TRDN: variants seen among roughly 807,000 people sequenced by gnomAD.
TRDN encodes triadin.
A neutral mutation model predicts 149.7 loss-of-function variants in TRDN; 161 were observed. That is an observed-to-expected ratio of 1.08 (90% CI 0.95 to 1.23). The LOEUF (loss-of-function observed/expected upper bound fraction) is 1.23. TRDN is among the 50% of genes most tolerant of loss of function. TRDN has a pLI of 0.00. For missense variants in TRDN, 896 were observed against 823.5 expected, an observed-to-expected ratio of 1.09 and a Z score of -1.08; for synonymous variants, 294 against 250.5, an observed-to-expected ratio of 1.17 and a Z score of -1.64.
At chr6:123,352,334 T>C (rs1342653110) in intron 21 of TRDN, 1 of 985,026 alleles carries the variant, frequency 1.0e-6, no homozygotes, top group Non-Finnish European at 1.2e-6. Context: ...TCGGAACTGA[T>C]ATTCAAAGTT....
At chr6:123,292,336 A>G (rs574490060) in intron 24 of TRDN, among the ~76,000 whole-genome samples, 1 of 152,196 alleles carries the variant, frequency 6.6e-6, no homozygotes, top group African/African-American at 2.4e-5. Context: ...GTGGACACTT[A>G]TTGGCCCTTG....
rs143813470 is a variant in TRDN at position 123,299,214 on chromosome 6, G to T, written c.1510+17243C>A. ...ATAAGACCTGGGAGATCCTGTTCTTGTTTGGAATGTCAGGATATTGGTTAG... is the reference window on the plus strand; with the variant it reads ...ATAAGACCTGGGAGATCCTGTTCTTTTTTGGAATGTCAGGATATTGGTTAG... On this transcript the variant is annotated intron_variant, in intron 24 of 40. Transcript: ENST00000334268. 5.9e-4 allele frequency among the ~76,000 whole-genome samples: 89 copies of T among 152,112 alleles called. 1 individual carries two copies. In the East Asian group the frequency reaches 0.015, roughly 26 times the overall value.
chr6:123,410,599 A>C (rs75438709), intron 12 of TRDN, among the ~76,000 whole-genome samples: 7,114 of 152,240 alleles, frequency 0.047, 550 homozygotes, highest in African/African-American at 0.16. Context: ...ACAGCAACAA[A>C]TAAACATAGG....
intron 5 of TRDN, among the ~76,000 whole-genome samples, chr6:123,517,995 C>G (rs1156489880): frequency 6.6e-6 from 1 of 152,064 alleles, no homozygotes; most frequent in African/African-American, 2.4e-5. Flanking sequence ...ATAGTGGACT[C>G]TGTAATATTT....
chr6:123,507,307 C>A (rs1388635206), intron 7 of TRDN, among the ~76,000 whole-genome samples: 1 of 151,938 alleles, frequency 6.6e-6, no homozygotes, highest in Non-Finnish European at 1.5e-5. Context: ...ATTCAGATTT[C>A]TTTTTAATGC....
chr6:123,351,779 C>G (rs1780470743), intron 21 of TRDN: 3 of 919,264 alleles, frequency 3.3e-6, no homozygotes, highest in Admixed American at 6.2e-5. Context: ...ATTGCAAGTT[C>G]TAATTTAATT....
intron 12 of TRDN, among the ~76,000 whole-genome samples, chr6:123,405,402 G>C (rs1310847862): frequency 6.6e-6 from 1 of 152,172 alleles, no homozygotes; most frequent in African/African-American, 2.4e-5. Flanking sequence ...AAGATGGTCT[G>C]AATTCCAACT....
chr6:123,534,564 T>C (rs1192568880), intron 4 of TRDN, among the ~76,000 whole-genome samples: 2 of 152,150 alleles, frequency 1.3e-5, no homozygotes, highest in Non-Finnish European at 2.9e-5. Flanking sequence ...TTTGGAAAGG[T>C]ATTTTTCTCA....
intron 21 of TRDN, among the ~76,000 whole-genome samples, chr6:123,339,277 T>A (rs1779983279): frequency 6.6e-6 from 1 of 152,156 alleles, no homozygotes; most frequent in Admixed American, 6.6e-5. Context: ...AGTGCTGGGA[T>A]TACAGGCGTG....
At chr6:123,382,755 T>G (rs1464763285) in intron 14 of TRDN, among the ~76,000 whole-genome samples, 1 of 151,980 alleles carries the variant, frequency 6.6e-6, no homozygotes, top group East Asian at 1.9e-4. Context: ...TCAAAAGACA[T>G]CGATTTCATT....
intron 23 of TRDN, among the ~76,000 whole-genome samples, chr6:123,325,023 G>A (rs1277914716): frequency 6.6e-6 from 1 of 151,914 alleles, no homozygotes; most frequent in African/African-American, 2.4e-5. Flanking sequence ...ATCCTGATTG[G>A]TCTTTTTTAT....
chr6:123,406,017 T>C (rs1773177102), intron 12 of TRDN, among the ~76,000 whole-genome samples: 1 of 152,210 alleles, frequency 6.6e-6, no homozygotes, highest in Non-Finnish European at 1.5e-5. Context: ...AGCTAAAATA[T>C]GTCTACTCAA....
In TRDN at chr6:123,366,182, T is replaced by C. The variant is rs1781093444; in HGVS notation, c.1274A>G (p.Lys425Arg). The C allele has an allele frequency of 1.9e-6, 3 of 1,613,000 alleles. No individual in the cohort carries two copies. Among genetic ancestry groups the C allele is most frequent in the Non-Finnish European group, 2.5e-6 (3 of 1,179,254 alleles). The change falls in exon 20 of 41, where the codon AAA becomes AGA. Residue 425 changes from lysine to arginine, a missense_variant and splice_region_variant. Lys to Arg is a conservative substitution (Grantham distance 26). Transcript: ENST00000334268. ...SVPSDKQVKAKTERAKEEIGA... is the reference protein window; with the variant it reads ...SVPSDKQVKARTERAKEEIGA... ...AATCTCCTCTTTGGCTCGTTCAGTT[T>C]CTGCAAGTTCAGATATTAAAGGAAT...
chr6:123,439,547 T>G (rs1339463689), intron 10 of TRDN: 1 of 152,270 alleles, frequency 6.6e-6, no homozygotes, highest in Non-Finnish European at 1.5e-5. Context: ...AAACATAACT[T>G]CCACGGTCCT....
At position 123,315,202 on chromosome 6, in the gene TRDN, C is replaced by T. The variant is rs77156058; in HGVS notation, c.1510+1255G>A. On this transcript the variant is annotated intron_variant, in intron 24 of 40. Transcript: ENST00000334268. ...AGTTTTCACTACTCCAGTAAAAATG[C>T]TAACAATAATAAAGCAATTTTTTGT... Among the ~76,000 whole-genome samples, 469 of 151,974 alleles carry T rather than the reference C, an allele frequency of 3.1e-3. 16 individuals are homozygous for T. The East Asian group carries it at 0.077, about 25-fold the overall frequency.
At chr6:123,523,697 T>C (rs1400277237) in intron 5 of TRDN, among the ~76,000 whole-genome samples, 1 of 152,112 alleles carries the variant, frequency 6.6e-6, no homozygotes, top group Non-Finnish European at 1.5e-5. Context: ...GGTTGAGCTC[T>C]ACTGCTGAAA....
intron 38 of TRDN, among the ~76,000 whole-genome samples, chr6:123,228,863 C>T (rs939130143): frequency 1.3e-5 from 2 of 151,800 alleles, no homozygotes; most frequent in Non-Finnish European, 2.9e-5. Context: ...TTCCACTAAC[C>T]CCCTTAAAAT....
chr6:123,267,587 C>A, intron 32 of TRDN, 120 bp downstream of exon 32: 1 of 626,696 alleles, frequency 1.6e-6, no homozygotes, highest in Non-Finnish European at 2.5e-6. Flanking sequence ...ACTACAAAAC[C>A]ACAGGACAAC....
chr6:123,588,382 C>T (rs1011605021), intron 1 of TRDN, among the ~76,000 whole-genome samples: 1 of 152,136 alleles, frequency 6.6e-6, no homozygotes, highest in Admixed American at 6.5e-5. Flanking sequence ...TGGCAAGTTG[C>T]ACCTGAATTC....
Sources: gnomAD v4.1 joint callset for allele counts (sites outside exome capture counted in the v4.1 genomes callset) on GRCh38, gnomAD v4.1.1 for gene constraint, MANE v1.5 for transcripts, NCBI Gene and HGNC (gene_info 2026-07-23, HGNC 2026-07-21) for gene names.